Variants in LIPI observed in about 807,000 individuals in gnomAD.
LIPI encodes lipase member I.
LIPI carries 59 observed loss-of-function variants against 50.6 expected under a neutral mutation model. The ratio of observed to expected loss-of-function variants is 1.16; its 90% CI spans 0.94 to 1.45. The LOEUF (loss-of-function observed/expected upper bound fraction) is 1.45. Ranked by LOEUF, LIPI falls within the 40% of genes most tolerant of loss-of-function variation. The probability of loss-of-function intolerance (pLI) is 0.00; values close to 1 mark genes in which losing one functional copy is unlikely to be tolerated. For synonymous variants in LIPI, 203 were observed against 178.2 expected (o/e 1.14, Z -1.11); for missense variants, 586 against 536.3 (o/e 1.09, Z -0.92).
chr21:14,119,077 A>G (rs1115648), intron 9 of LIPI, among the ~76,000 whole-genome samples: 41,653 of 152,116 alleles, frequency 0.27, 6,082 homozygotes, highest in East Asian at 0.45. Context: ...TAAAAGATGC[A>G]TTCTTCTGCA....
At chr21:14,198,717 C>T (rs1271075268) in intron 1 of LIPI, among the ~76,000 whole-genome samples, 1 of 151,996 alleles carries the variant, frequency 6.6e-6, no homozygotes, top group Admixed American at 6.6e-5. Flanking sequence ...ATTATTGAGA[C>T]AGAAAATTAA....
At chr21:14,206,965 C>T (rs1340956543) in intron 1 of LIPI, 1 of 1,298,818 alleles carries the variant, frequency 7.7e-7, no homozygotes, top group African/African-American at 1.5e-5. Flanking sequence ...TTTGTTTATT[C>T]ATGTATAATA....
chr21:14,173,227 G>A (rs2018982393), intron 4 of LIPI, among the ~76,000 whole-genome samples: 2 of 152,218 alleles, frequency 1.3e-5, no homozygotes, highest in Admixed American at 1.3e-4. Flanking sequence ...AGGAAGCCAA[G>A]TCCTACAGAT....
chr21:14,165,863 A>G (rs930831883), intron 5 of LIPI, among the ~76,000 whole-genome samples: 3 of 152,134 alleles, frequency 2.0e-5, no homozygotes, highest in African/African-American at 7.2e-5. Flanking sequence ...GTCACGTGTT[A>G]TTTGACCAGT....
intron 1 of LIPI, among the ~76,000 whole-genome samples, chr21:14,201,789 C>T (rs191437526): frequency 2.6e-5 from 4 of 152,254 alleles, no homozygotes; most frequent in Admixed American, 2.6e-4. Context: ...ACAGGGATGC[C>T]CTCTCTCACC....
At position 14,163,486 on chromosome 21, in the gene LIPI, T is replaced by C; in HGVS notation, c.939A>G (p.Glu313=). The C allele has an allele frequency of 6.3e-7, 1 of 1,590,002 alleles. No homozygotes were observed. Among genetic ancestry groups the C allele is most frequent in the East Asian group, 2.2e-5 (1 of 44,634 alleles). The change falls in exon 7 of 10, where the codon GAA becomes GAG. Residue 313 remains glutamate, a synonymous_variant. Coordinates refer to ENST00000681601, the MANE Select transcript of LIPI (RefSeq NM_001302998.2). ...TCCTAAGAGGTCTTCCTTCCATCCTTTCTTTTAAAACACCTTTAAATAGCT... is the reference window on the plus strand; with the variant it reads ...TCCTAAGAGGTCTTCCTTCCATCCTCTCTTTTAAAACACCTTTAAATAGCT... The part of the protein sequence containing the change: ...QAKLFKGVLK[E]RMEGRPLRTT...
At chr21:14,205,775 A>G (rs2020209737) in intron 1 of LIPI, among the ~76,000 whole-genome samples, 1 of 152,248 alleles carries the variant, frequency 6.6e-6, no homozygotes, top group Admixed American at 6.5e-5. Flanking sequence ...AAAATTGCCA[A>G]AATGAATGGT....
At chr21:14,113,128 G>T (rs1416692730) in intron 9 of LIPI, among the ~76,000 whole-genome samples, 1 of 152,206 alleles carries the variant, frequency 6.6e-6, no homozygotes, top group African/African-American at 2.4e-5. Context: ...TAGAATTTAA[G>T]AGCATTTGTA....
chr21:14,192,337 C>T (rs369592051), intron 1 of LIPI, among the ~76,000 whole-genome samples: 22 of 151,984 alleles, frequency 1.4e-4, no homozygotes, highest in African/African-American at 4.1e-4. Context: ...TGGTTGTGGG[C>T]GCCTGTAATC....
intron 2 of LIPI, among the ~76,000 whole-genome samples, chr21:14,188,567 C>CAAAA (rs577516831): frequency 0.13 from 8,649 of 65,838 alleles, 954 homozygotes; most frequent in Non-Finnish European, 0.19. Flanking sequence ...GAACCTGTCT[C>CAAAA]AAAAAAAAAA....
chr21:14,132,044 AAAAC>A (rs1345371358), intron 9 of LIPI, among the ~76,000 whole-genome samples: 1 of 152,198 alleles, frequency 6.6e-6, no homozygotes, highest in Non-Finnish European at 1.5e-5. Context: ...AACAAACAAA[AAAAC>A]AAAGCCTTTA....
At chr21:14,179,181 T>C (rs1403029635) in intron 4 of LIPI, among the ~76,000 whole-genome samples, 1 of 151,990 alleles carries the variant, frequency 6.6e-6, no homozygotes, top group Admixed American at 6.6e-5. Flanking sequence ...AATCCACAAA[T>C]TTGAAAGGCC....
intron 1 of LIPI, among the ~76,000 whole-genome samples, chr21:14,209,169 A>C (rs562972766): frequency 6.6e-6 from 1 of 152,356 alleles, no homozygotes; most frequent in Non-Finnish European, 1.5e-5. Flanking sequence ...TATGCATATA[A>C]TTTGAATATA....
rs544814639 is a variant in LIPI, at chr21:14,144,509, G to A, written c.1295+114C>T. The A allele has an allele frequency of 6.8e-6, 4 of 590,946 alleles. No individual in the cohort carries two copies. The South Asian group carries it at 1.0e-4, about 15-fold the overall frequency. The allele number at this position is 590,946 out of a possible 1,614,324, so 36.6% of individuals were successfully genotyped here. Reference sequence around the variant, plus strand: ...CTAATATTTATGTAAAATATAGTCTGAAATACACAATAAACAGATATTTGA... The same window carrying A: ...CTAATATTTATGTAAAATATAGTCTAAAATACACAATAAACAGATATTTGA... On this transcript the variant is annotated intron_variant, in intron 9 of 9. Transcript: ENST00000681601.
rs3048482 is a variant in LIPI at position 14,146,772 on chromosome 21, A to ATTTTTTTTTTTTTT, written c.1119-1987_1119-1974dup. ...TCTCTTTCTTACTTTCCCAGTCTCTATTTTTTTTTTTTTTTTTTTTTTTTT... is the reference window on the plus strand; with the variant it reads ...TCTCTTTCTTACTTTCCCAGTCTCTATTTTTTTTTTTTTTTTTTTTTTTTTTTTTTTTTTTTTTT... On this transcript the variant is annotated intron_variant, in intron 8 of 9. Coordinates refer to ENST00000681601, the MANE Select transcript of LIPI (RefSeq NM_001302998.2). 1.3e-3 allele frequency among the ~76,000 whole-genome samples: 99 copies of ATTTTTTTTTTTTTT among 73,386 alleles called. 17 individuals are homozygous for ATTTTTTTTTTTTTT. The highest frequency in any genetic ancestry group is 3.1e-3 in the African/African-American group (52 of 16,548). 48.1% of individuals were successfully genotyped at this position (73,386 alleles called of 152,430 possible). A position where few individuals can be genotyped will look rare whatever the true frequency, so the allele number is the denominator to read the frequency against.
rs1241558322 is a variant in LIPI, at chr21:14,188,910, T to C, written c.432+124A>G. On this transcript the variant is annotated intron_variant, in intron 2 of 9. Transcript: ENST00000681601. ...GGTATATCAAACCAGTAATTGTTAATGCTTATGGGGAAAAGTATATAGTTT... is the reference window on the plus strand; with the variant it reads ...GGTATATCAAACCAGTAATTGTTAACGCTTATGGGGAAAAGTATATAGTTT... 3 of 849,116 alleles carry C rather than the reference T, an allele frequency of 3.5e-6. No individual in the cohort carries two copies. In the African/African-American group the frequency reaches 5.0e-5, roughly 14 times the overall value. The allele number at this position is 849,116 out of a possible 1,614,324, so 52.6% of individuals were successfully genotyped here.
intron 9 of LIPI, among the ~76,000 whole-genome samples, chr21:14,135,978 A>G (rs183881668): frequency 1.2e-4 from 18 of 152,298 alleles, no homozygotes; most frequent in African/African-American, 4.3e-4. Flanking sequence ...CTCAGCCACA[A>G]CACGATAAGG....
intron 8 of LIPI, among the ~76,000 whole-genome samples, chr21:14,148,432 G>T (rs2017979064): frequency 6.6e-6 from 1 of 151,778 alleles, no homozygotes; most frequent in Non-Finnish European, 1.5e-5. Flanking sequence ...CTCATGTGCT[G>T]CACAATGATT....
intron 7 of LIPI, among the ~76,000 whole-genome samples, chr21:14,157,283 G>A (rs555844354): frequency 6.6e-6 from 1 of 152,038 alleles, no homozygotes; most frequent in East Asian, 1.9e-4. Flanking sequence ...AAGCTCTAGA[G>A]AAAAAGCTGA....
Sources: allele counts gnomAD v4.1 joint callset (sites outside exome capture counted in the v4.1 genomes callset), GRCh38; gene constraint gnomAD v4.1.1; transcripts MANE v1.5; gene names NCBI Gene and HGNC (gene_info 2026-07-23, HGNC 2026-07-21).